DNAH10: variants seen among roughly 807,000 people sequenced by gnomAD.
DNAH10 encodes axonemal beta dynein heavy chain 10.
DNAH10 carries 348 observed loss-of-function variants against 506.6 expected under a neutral mutation model. That is an observed-to-expected ratio of 0.69 (90% CI 0.63 to 0.75). The LOEUF is 0.75. Ranked by LOEUF, DNAH10 falls within the 30% of genes least tolerant of loss-of-function variation. The probability of loss-of-function intolerance (pLI) is 0.00; values close to 1 mark genes in which losing one functional copy is unlikely to be tolerated. For missense variants in DNAH10, 5,179 were observed against 5,787.1 expected (o/e 0.89, Z 3.41); for synonymous variants, 2,059 against 2,198.6 (o/e 0.94, Z 1.78).
chr12:123,935,009 G>C, intron 78 of DNAH10: 3 of 621,620 alleles, frequency 4.8e-6, no homozygotes, highest in Admixed American at 3.0e-5. Context: ...TGATCCTGTG[G>C]TCTAGACTAA....
intron 36 of DNAH10, among the ~76,000 whole-genome samples, chr12:123,854,069 GTTTTTTTTT>G (rs10648649): frequency 3.4e-5 from 4 of 117,032 alleles, no homozygotes; most frequent in African/African-American, 1.3e-4. Context: ...ACACATTTGG[GTTTTTTTTT>G]TTTTTTTTTT....
intron 71 of DNAH10, 90 bp downstream of exon 71, chr12:123,929,574 C>T (rs1049056402): frequency 3.8e-6 from 6 of 1,567,272 alleles, no homozygotes; most frequent in Non-Finnish European, 2.6e-6. Context: ...AGCAGGGTTG[C>T]ACCGTTCCCA....
intron 56 of DNAH10, 100 bp downstream of exon 56, chr12:123,898,914 G>T: frequency 1.4e-6 from 2 of 1,429,728 alleles, no homozygotes; most frequent in Non-Finnish European, 1.8e-6. Context: ...AGCAGGACAG[G>T]GCTCTGCCAG....
At chr12:123,812,110 T>C (rs923435294) in intron 19 of DNAH10, among the ~76,000 whole-genome samples, 4 of 152,214 alleles carry the variant, frequency 2.6e-5, no homozygotes, top group African/African-American at 9.6e-5. Context: ...TTCAGAGAAC[T>C]AATGTGTCAC....
chr12:123,928,491 G>A lies in DNAH10; in HGVS notation c.12210G>A (p.Leu4070=), dbSNP rs1453021718. 5.0e-6 allele frequency: 8 copies of A among 1,611,284 alleles called. No homozygotes were observed. Among genetic ancestry groups the A allele is most frequent in the Non-Finnish European group, 5.9e-6 (7 of 1,178,922 alleles). Residue 4070 remains leucine (L), a synonymous_variant, in exon 70 of 79, where the codon CTG becomes CTA. Transcript: ENST00000673944. The surrounding 1 kb of genome is among the most constrained non-coding windows in gnomAD (Gnocchi z 4.9). ...GGCTGAAAGATCTGGAGAAGTCCCTGGAGAGGATCACCAAGCCCCACCCAG... is the reference window on the plus strand; with the variant it reads ...GGCTGAAAGATCTGGAGAAGTCCCTAGAGAGGATCACCAAGCCCCACCCAG... The part of the protein sequence containing the change: ...VKWLKDLEKS[L]ERITKPHPDF...
At chr12:123,883,123 G>A (rs1407793269) in intron 51 of DNAH10, among the ~76,000 whole-genome samples, 10 of 152,212 alleles carry the variant, frequency 6.6e-5, no homozygotes, top group East Asian at 5.8e-4. Context: ...ACTGCTGGGC[G>A]TGTTTGTTGT....
intron 8 of DNAH10, among the ~76,000 whole-genome samples, chr12:123,784,953 T>A (rs1957793863): frequency 6.6e-6 from 1 of 152,242 alleles, no homozygotes; most frequent in Middle Eastern, 3.2e-3. Context: ...TTCCATAGCA[T>A]GGATAGACTA....
chr12:123,812,886 A>G (rs1362951575), intron 19 of DNAH10, among the ~76,000 whole-genome samples: 1 of 152,170 alleles, frequency 6.6e-6, no homozygotes, highest in Non-Finnish European at 1.5e-5. Context: ...CAGAAGCTGC[A>G]GGGCTTTCTT....
In DNAH10 at chr12:123,913,380, G is replaced by T; in HGVS notation, c.10352+65G>T. The T allele has an allele frequency of 6.8e-7, 1 of 1,461,080 alleles. No homozygotes were observed. 90.5% of individuals were successfully genotyped at this position (1,461,080 alleles called of 1,614,324 possible). A position where few individuals can be genotyped will look rare whatever the true frequency, so the allele number is the denominator to read the frequency against. On this transcript the variant is annotated intron_variant, in intron 60 of 78. Transcript: ENST00000673944. The surrounding 1 kb of genome is among the most constrained non-coding windows in gnomAD (Gnocchi z 5.1). ...ACGGACGTCACCCACAGAGTTTCTCGCCATGTTGATTCTTTATCTCACGTT... is the reference window on the plus strand; with the variant it reads ...ACGGACGTCACCCACAGAGTTTCTCTCCATGTTGATTCTTTATCTCACGTT...
chr12:123,783,966 A>G lies in DNAH10; in HGVS notation c.1019A>G (p.Glu340Gly), dbSNP rs2136032411. 1.2e-6 allele frequency: 2 copies of G among 1,614,230 alleles called. No homozygotes were observed. The highest frequency in any genetic ancestry group is 1.6e-4 in the Middle Eastern group (1 of 6,062). ...KTPQGKGPLA[E>G]IEFWRERNAT... ...TCTCAGGGTAAAGGCCCTCTGGCTG[A>G]AATTGAATTCTGGAGGGAAAGAAAT... Residue 340 changes from glutamate (E) to glycine (G), a missense_variant, in exon 8 of 79, where the codon GAA (glutamate) becomes GGA (glycine). By Grantham distance (98) the Glu-to-Gly change is moderately conservative. Transcript: ENST00000673944.
intron 50 of DNAH10, among the ~76,000 whole-genome samples, chr12:123,880,982 A>G (rs1952483933): frequency 6.6e-6 from 1 of 151,954 alleles, no homozygotes; most frequent in Non-Finnish European, 1.5e-5. Context: ...ACATGAACTC[A>G]TCCTTTTTAA....
rs147423241 is a variant in DNAH10, at chr12:123,846,870, G to A, written c.5814+716G>A. ...GTGGATGTGGCATGCACCTGGGCCC[G>A]TCTCCACATCACACCATGGGATTTG... On this transcript the variant is annotated intron_variant, in intron 32 of 78. Transcript: ENST00000673944. This position sits in a 1 kb window ranked among gnomAD's most constrained non-coding sequence, Gnocchi z 4.5. 9.5e-4 allele frequency among the ~76,000 whole-genome samples: 144 copies of A among 152,212 alleles called. 3 individuals carry two copies. The East Asian group carries it at 0.023, about 24-fold the overall frequency.
At chr12:123,806,655 C>T (rs972287133) in intron 18 of DNAH10, among the ~76,000 whole-genome samples, 4 of 152,006 alleles carry the variant, frequency 2.6e-5, no homozygotes, top group African/African-American at 9.7e-5. Flanking sequence ...CTTTAAATAA[C>T]TCTGTTTTCT....
chr12:123,898,916 C>T (rs1953388698), intron 56 of DNAH10, 102 bp downstream of exon 56: 5 of 1,431,746 alleles, frequency 3.5e-6, no homozygotes, highest in African/African-American at 1.5e-5. Context: ...CAGGACAGGG[C>T]TCTGCCAGGC....
At chr12:123,841,158 A>G (rs1245901772) in intron 29 of DNAH10, among the ~76,000 whole-genome samples, 164 bp from the exon 30 acceptor site, 3 of 152,206 alleles carry the variant, frequency 2.0e-5, no homozygotes, top group Non-Finnish European at 2.9e-5. Flanking sequence ...TGTCTTTGGG[A>G]TGACCACACA....
chr12:123,842,682 C>A (rs182047474), intron 30 of DNAH10, among the ~76,000 whole-genome samples: 30 of 152,302 alleles, frequency 2.0e-4, no homozygotes, highest in African/African-American at 7.0e-4. Flanking sequence ...TGGATATGTT[C>A]AGTGGATAAA....
Position 123,864,654 on chromosome 12 carries a change from T to C in DNAH10, c.6968T>C (p.Met2323Thr), listed in dbSNP as rs775052709. 1.2e-6 allele frequency: 2 copies of C among 1,613,908 alleles called. No individual in the cohort carries two copies. Among genetic ancestry groups the C allele is most frequent in the Non-Finnish European group, 1.7e-6 (2 of 1,179,906 alleles). ...TGGGTGGAAAACATGAATTCTGTGATGGATGACAACAGGTTGTTGACATTG... is the reference window on the plus strand; with the variant it reads ...TGGGTGGAAAACATGAATTCTGTGACGGATGACAACAGGTTGTTGACATTG... ...ALWVENMNSV[M>T]DDNRLLTLAN... is the part of the protein sequence containing the mutation. Residue 2323 changes from methionine (M) to threonine (T), a missense_variant, in exon 40 of 79, where the codon ATG becomes ACG. Physicochemically the swap from Met to Thr is moderately conservative, Grantham distance 81. This residue lies in a region of DNAH10 where 4,844 missense variants were observed against 5,430.5 expected (regional missense o/e 0.89). Transcript: ENST00000673944.
Position 123,917,905 on chromosome 12 carries a change from G to A in DNAH10, c.11232+92G>A. ...TCTCTGTCTGCTCAATGAGAAAATG[G>A]GGCTCTGTGATCTCAGGGCTAAAAA... On this transcript the variant is annotated intron_variant, in intron 64 of 78. Transcript: ENST00000673944. The surrounding 1 kb of genome is among the most constrained non-coding windows in gnomAD (Gnocchi z 5.6). 1.4e-6 allele frequency: 2 copies of A among 1,389,848 alleles called. No individual in the cohort carries two copies. Among genetic ancestry groups the A allele is most frequent in the East Asian group, 2.5e-5 (1 of 39,956 alleles). The allele number at this position is 1,389,848 out of a possible 1,614,324, so 86.1% of individuals were successfully genotyped here. A position where few individuals can be genotyped will look rare whatever the true frequency, so the allele number is the denominator to read the frequency against.
rs769318434 is a variant in DNAH10 at position 123,784,219 on chromosome 12, G to T, written c.1230+42G>T. ...GCACTTTGCAGTCAGCTCTGTCAAAGAGATTTCATATGATTTAATTTCCCT... is the reference window on the plus strand; with the variant it reads ...GCACTTTGCAGTCAGCTCTGTCAAATAGATTTCATATGATTTAATTTCCCT... On this transcript the variant is annotated intron_variant, in intron 8 of 78. Transcript: ENST00000673944. 13 of 1,566,362 alleles carry T rather than the reference G, an allele frequency of 8.3e-6. No individual in the cohort carries two copies. The African/African-American group carries it at 1.5e-4, about 18-fold the overall frequency.
Sources: allele counts gnomAD v4.1 joint callset (sites outside exome capture counted in the v4.1 genomes callset), GRCh38; gene constraint gnomAD v4.1.1; regional missense constraint gnomAD v4.1.1; non-coding constraint Gnocchi (gnomAD v3.1); transcripts MANE v1.5; gene names NCBI Gene and HGNC (gene_info 2026-07-23, HGNC 2026-07-21).